The following PHF14 variants were observed in gnomAD, a reference collection of about 807,000 sequenced individuals.
PHF14 encodes the protein PHD finger protein 14.
A neutral mutation model predicts 117.9 loss-of-function variants in PHF14; 55 were observed. The observed-to-expected ratio is 0.47, with a 90% CI of 0.38 to 0.58. The LOEUF is 0.58. Among genes scored for constraint, PHF14 ranks in the 20% least tolerant of loss-of-function variants. The probability of loss-of-function intolerance (pLI) is 0.00; values close to 1 mark genes in which losing one functional copy is unlikely to be tolerated. For synonymous variants in PHF14, 409 were observed against 368.6 expected (o/e 1.11, Z -1.26); for missense variants, 978 against 1,122.2 (o/e 0.87, Z 1.84).
At chr7:11,154,019 A>G (rs1009437420) in intron 17 of PHF14, among the ~76,000 whole-genome samples, 6 of 152,194 alleles carry the variant, frequency 3.9e-5, no homozygotes, top group East Asian at 1.9e-4. Flanking sequence ...GTAGGCTTCC[A>G]TACATGTCTT....
chr7:11,159,547 A>G (rs917762138), intron 17 of PHF14, among the ~76,000 whole-genome samples: 5 of 152,128 alleles, frequency 3.3e-5, no homozygotes, highest in South Asian at 2.1e-4. Context: ...ATTCAAGCCA[A>G]TCATAGTAAA....
chr7:11,167,717 T>C (rs552348699), intron 17 of PHF14, among the ~76,000 whole-genome samples: 2 of 152,324 alleles, frequency 1.3e-5, no homozygotes, highest in African/African-American at 4.8e-5. Context: ...ATTTACTTTT[T>C]ATTATAATGT....
intron 16 of PHF14, chr7:11,105,998 T>C: frequency 1.0e-6 from 1 of 984,870 alleles, no homozygotes; most frequent in African/African-American, 1.7e-5. Flanking sequence ...TCCAAGGGCA[T>C]GAGCAGATGG....
At chr7:11,142,605 T>C (rs554926519) in intron 17 of PHF14, among the ~76,000 whole-genome samples, 17 of 152,192 alleles carry the variant, frequency 1.1e-4, no homozygotes, top group African/African-American at 3.8e-4. Context: ...AGCAGTATTT[T>C]ATTAAAAATG....
intron 3 of PHF14, among the ~76,000 whole-genome samples, chr7:10,986,637 C>T (rs1425537020): frequency 1.3e-5 from 2 of 152,154 alleles, no homozygotes; most frequent in Non-Finnish European, 2.9e-5. Context: ...AAATTTAGTG[C>T]AGCCTGAAGA....
At chr7:11,110,986 A>T (rs1787424315) in intron 16 of PHF14, 1 of 157,756 alleles carries the variant, frequency 6.3e-6, no homozygotes. Context: ...AAATACTTTA[A>T]AATGATTTAA....
In PHF14 at chr7:11,030,276, A is replaced by G. The variant is rs1238536230; in HGVS notation, c.1455+1458A>G. Among the ~76,000 whole-genome samples, 3 of 152,118 alleles carry G rather than the reference A, an allele frequency of 2.0e-5. No homozygotes were observed. The South Asian group carries it at 6.2e-4, about 32-fold the overall frequency. On this transcript the variant is annotated intron_variant, in intron 7 of 17. Coordinates refer to ENST00000634607, the MANE Select transcript of PHF14 (RefSeq NM_001007157.2). ...ATACAGGTAAGAGTTAGAGGACCAGATAAATACTACGTAAATACTTGGATC... is the reference window on the plus strand; with the variant it reads ...ATACAGGTAAGAGTTAGAGGACCAGGTAAATACTACGTAAATACTTGGATC...
chr7:11,129,660 C>T (rs1369432369), intron 17 of PHF14, among the ~76,000 whole-genome samples: 4 of 149,414 alleles, frequency 2.7e-5, no homozygotes, highest in Non-Finnish European at 5.9e-5. Context: ...CAATAGGAGT[C>T]TCATTTTTAT....
At chr7:11,074,412 G>C (rs550865501) in intron 16 of PHF14, among the ~76,000 whole-genome samples, 2 of 151,780 alleles carry the variant, frequency 1.3e-5, no homozygotes, top group Non-Finnish European at 2.9e-5. Context: ...GGGTTTCGCC[G>C]TGTTAGCCAG....
chr7:11,041,032 T>C (rs1309192948), intron 12 of PHF14, among the ~76,000 whole-genome samples: 2 of 151,968 alleles, frequency 1.3e-5, no homozygotes, highest in African/African-American at 4.8e-5. Flanking sequence ...GATAACATTA[T>C]AGTTATTGTC....
chr7:11,099,671 C>G (rs1260157992), intron 16 of PHF14, among the ~76,000 whole-genome samples: 3 of 152,054 alleles, frequency 2.0e-5, no homozygotes, highest in Admixed American at 6.6e-5. Flanking sequence ...TACCACAGTT[C>G]TGCTGTTGAC....
chr7:11,004,676 T>TA (rs1171811488), intron 4 of PHF14, among the ~76,000 whole-genome samples: 1 of 151,334 alleles, frequency 6.6e-6, no homozygotes, highest in East Asian at 1.9e-4. Flanking sequence ...AGATTCAGTT[T>TA]AAATTTTTTT....
intron 16 of PHF14, among the ~76,000 whole-genome samples, chr7:11,081,632 G>A (rs769190326): frequency 3.9e-5 from 6 of 152,062 alleles, no homozygotes; most frequent in South Asian, 2.1e-4. Context: ...CGAGGTGGGC[G>A]GATCATGAAG....
At chr7:11,167,897 T>C (rs1169682664) in intron 17 of PHF14, among the ~76,000 whole-genome samples, 32 of 151,116 alleles carry the variant, frequency 2.1e-4, no homozygotes, top group African/African-American at 7.5e-4. Flanking sequence ...GGCGTGGTGG[T>C]GGGTGCCTGT....
intron 16 of PHF14, chr7:11,063,856 T>C (rs774216743): frequency 6.4e-5 from 15 of 235,512 alleles, no homozygotes; most frequent in Non-Finnish European, 9.7e-5. Context: ...GTTTCTGTTA[T>C]GAAATTTTTA....
At chr7:10,977,208 C>T (rs558190841) in intron 2 of PHF14, among the ~76,000 whole-genome samples, 1 of 152,140 alleles carries the variant, frequency 6.6e-6, no homozygotes, top group South Asian at 2.1e-4. Flanking sequence ...CCCAGCCCTA[C>T]TTACGAATAG....
chr7:11,098,435 T>A (rs573669652), intron 16 of PHF14, among the ~76,000 whole-genome samples: 2 of 152,294 alleles, frequency 1.3e-5, no homozygotes, highest in African/African-American at 4.8e-5. Context: ...TGATTATCTC[T>A]CCCTTGGATC....
At chr7:11,122,528 A>G (rs548358760) in intron 17 of PHF14, among the ~76,000 whole-genome samples, 1 of 150,390 alleles carries the variant, frequency 6.6e-6, no homozygotes, top group East Asian at 2.0e-4. Flanking sequence ...TTTATGCCCT[A>G]CAATTATTTC....
intron 13 of PHF14, among the ~76,000 whole-genome samples, chr7:11,050,272 A>G (rs867462953): frequency 6.6e-6 from 1 of 152,296 alleles, no homozygotes; most frequent in African/African-American, 2.4e-5. Flanking sequence ...TATAAGCTAC[A>G]TTCAAAGATA....
Sources: allele counts gnomAD v4.1 joint callset (sites outside exome capture counted in the v4.1 genomes callset), GRCh38; gene constraint gnomAD v4.1.1; transcripts MANE v1.5; gene names NCBI Gene and HGNC (gene_info 2026-07-23, HGNC 2026-07-21).